CHRM5: variants seen among roughly 807,000 people sequenced by gnomAD.
CHRM5 encodes the protein cholinergic receptor muscarinic 5.
CHRM5 carries 18 observed loss-of-function variants against 39.0 expected under a neutral mutation model. That is an observed-to-expected ratio of 0.46 (90% CI 0.32 to 0.68). The LOEUF (loss-of-function observed/expected upper bound fraction) is 0.68. Ranked by LOEUF, CHRM5 falls within the 30% of genes least tolerant of loss-of-function variation. The pLI is 0.04. For missense variants in CHRM5, 515 were observed against 651.1 expected (o/e 0.79, Z 2.28); for synonymous variants, 241 against 246.3 (o/e 0.98, Z 0.20).
chr15:34,029,517 CAAAAAAAAAAA>C (rs66519745), intron 1 of CHRM5, among the ~76,000 whole-genome samples: 1 of 118,694 alleles, frequency 8.4e-6, no homozygotes, highest in African/African-American at 3.4e-5. Flanking sequence ...CCTATTTCTA[CAAAAAAAAAAA>C]AAAAAAAAAA....
chr15:34,039,190 G>C (rs1436956891), intron 1 of CHRM5: 1 of 672,858 alleles, frequency 1.5e-6, no homozygotes, highest in African/African-American at 2.0e-5. Context: ...GCTAGGGATC[G>C]AGGCCGGCCG....
intron 2 of CHRM5, among the ~76,000 whole-genome samples, chr15:34,048,036 T>TG (rs1899780116): frequency 5.2e-5 from 6 of 115,618 alleles, no homozygotes; most frequent in Non-Finnish European, 9.6e-5. Context: ...TGTGTGTGTG[T>TG]TTGTGTGTGT....
At chr15:33,997,662 A>T (rs1896992179) in intron 1 of CHRM5, among the ~76,000 whole-genome samples, 1 of 152,056 alleles carries the variant, frequency 6.6e-6, no homozygotes, top group Non-Finnish European at 1.5e-5. Flanking sequence ...CTGTGATCCC[A>T]ATATCTTTTT....
intron 1 of CHRM5, among the ~76,000 whole-genome samples, chr15:33,984,852 C>T (rs1685119): frequency 0.5 from 76,357 of 151,968 alleles, 21,522 homozygotes; most frequent in Non-Finnish European, 0.64. Flanking sequence ...AATAACAGTT[C>T]ATTCACTCAT....
intron 1 of CHRM5, among the ~76,000 whole-genome samples, chr15:34,012,771 G>C (rs1015486988): frequency 6.6e-6 from 1 of 152,152 alleles, no homozygotes; most frequent in Non-Finnish European, 1.5e-5. Flanking sequence ...AAGCATTACT[G>C]AACTAGAAGG....
intron 1 of CHRM5, chr15:34,007,161 G>T: frequency 2.2e-6 from 1 of 449,374 alleles, no homozygotes; most frequent in Non-Finnish European, 2.9e-6. Flanking sequence ...CTTGTCCAAT[G>T]ACACACACAC....
chr15:34,038,526 G>A (rs1312261971), intron 1 of CHRM5, among the ~76,000 whole-genome samples: 2 of 151,990 alleles, frequency 1.3e-5, no homozygotes, highest in Non-Finnish European at 2.9e-5. Flanking sequence ...CCTGGGGCAG[G>A]CTGGGAAGCC....
chr15:33,979,441 T>C (rs531531232), intron 1 of CHRM5, among the ~76,000 whole-genome samples: 1 of 152,212 alleles, frequency 6.6e-6, no homozygotes, highest in African/African-American at 2.4e-5. Context: ...CCCAGGAGGT[T>C]GAGGCTGCAC....
At chr15:34,024,653 C>T (rs907654411) in intron 1 of CHRM5, among the ~76,000 whole-genome samples, 1 of 146,106 alleles carries the variant, frequency 6.8e-6, no homozygotes, top group Non-Finnish European at 1.5e-5. Context: ...GAGTTCGAGA[C>T]CAGCCTGACC....
chr15:33,998,276 C>G (rs1897014352), intron 1 of CHRM5, among the ~76,000 whole-genome samples: 1 of 152,088 alleles, frequency 6.6e-6, no homozygotes, highest in Non-Finnish European at 1.5e-5. Flanking sequence ...ATTTTTGTCC[C>G]CTTTTCTGGA....
chr15:33,992,557 TTTGTG>T (rs2140576002), intron 1 of CHRM5, among the ~76,000 whole-genome samples: 1 of 152,348 alleles, frequency 6.6e-6, no homozygotes, highest in Non-Finnish European at 1.5e-5. Context: ...TATAGTTCTG[TTTGTG>T]TTATTTCAGA....
intron 1 of CHRM5, among the ~76,000 whole-genome samples, chr15:34,008,238 T>C (rs1185752258): frequency 1.3e-5 from 2 of 151,726 alleles, no homozygotes; most frequent in African/African-American, 2.4e-5. Flanking sequence ...CTAGGCAACA[T>C]AGCAAGACCC....
intron 1 of CHRM5, among the ~76,000 whole-genome samples, chr15:34,011,917 A>G (rs945942284): frequency 2.6e-5 from 4 of 152,208 alleles, no homozygotes; most frequent in Non-Finnish European, 4.4e-5. Context: ...AGACTGGAGT[A>G]ACTTTTATTG....
chr15:33,976,342 C>G (rs1567443380), intron 1 of CHRM5, among the ~76,000 whole-genome samples: 1 of 152,228 alleles, frequency 6.6e-6, no homozygotes, highest in African/African-American at 2.4e-5. Flanking sequence ...AGTCAATCTC[C>G]TAAGTGAGTA....
In CHRM5 at chr15:34,062,408, A is replaced by T. The variant is rs1048622656; in HGVS notation, c.-75-235A>T. ...GTCTCTACTAAAAATACAAAAAAAT[A>T]GCTGGGCGTGGTGGTGGGAGCCTGT... is the stretch of plus-strand genomic sequence containing the variant. On this transcript the variant is annotated intron_variant, in intron 2 of 2. Coordinates refer to ENST00000383263, the MANE Select transcript of CHRM5 (RefSeq NM_012125.4). Among the ~76,000 whole-genome samples the T allele has an allele frequency of 2.6e-5, 4 of 152,168 alleles. No individual in the cohort carries two copies. The East Asian group carries it at 7.7e-4, about 29-fold the overall frequency.
chr15:33,981,766 G>T (rs1896155451), intron 1 of CHRM5, among the ~76,000 whole-genome samples: 1 of 152,088 alleles, frequency 6.6e-6, no homozygotes, highest in East Asian at 1.9e-4. Flanking sequence ...TAACACTGAA[G>T]GGCTATTTTG....
At chr15:34,038,634 A>T in intron 1 of CHRM5, 2 of 680,696 alleles carry the variant, frequency 2.9e-6, no homozygotes, top group Non-Finnish European at 3.8e-6. Flanking sequence ...CCCCCGCGCC[A>T]CCATCCGCCC....
chr15:34,048,931 A>T (rs189194275), intron 2 of CHRM5, among the ~76,000 whole-genome samples: 29 of 152,312 alleles, frequency 1.9e-4, no homozygotes, highest in Middle Eastern at 6.8e-3. Context: ...TAGGGTCTGG[A>T]GTGGACCCAC....
At chr15:34,030,046 G>C (rs1898697277) in intron 1 of CHRM5, among the ~76,000 whole-genome samples, 1 of 152,094 alleles carries the variant, frequency 6.6e-6, no homozygotes, top group African/African-American at 2.4e-5. Context: ...TTGAGGTCAG[G>C]AGTTCGAGCC....
Sources: gnomAD v4.1 joint callset for allele counts (sites outside exome capture counted in the v4.1 genomes callset) on GRCh38, gnomAD v4.1.1 for gene constraint, MANE v1.5 for transcripts, NCBI Gene and HGNC (gene_info 2026-07-23, HGNC 2026-07-21) for gene names.